RAB2A: variants seen among roughly 807,000 people sequenced by gnomAD.
RAB2A encodes ras-related protein Rab-2A.
In RAB2A, 7 loss-of-function variants were observed where a neutral mutation model predicts 32.5. The observed-to-expected ratio is 0.22, with a 90% CI of 0.12 to 0.40. RAB2A has a LOEUF of 0.40. RAB2A is among the 10% of genes least tolerant of loss of function. The pLI is 1.00. For synonymous variants in RAB2A, 79 were observed against 85.2 expected (o/e 0.93, Z 0.40); for missense variants, 108 against 260.7 (o/e 0.41, Z 4.03).
intron 1 of RAB2A, among the ~76,000 whole-genome samples, chr8:60,539,609 G>A (rs1807608033): frequency 6.6e-6 from 1 of 152,176 alleles, no homozygotes; most frequent in South Asian, 2.1e-4. Flanking sequence ...ATGCAATTGT[G>A]AAGGATTTAA....
At chr8:60,554,139 G>T (rs528606856) in intron 1 of RAB2A, among the ~76,000 whole-genome samples, 1 of 152,304 alleles carries the variant, frequency 6.6e-6, no homozygotes, top group East Asian at 1.9e-4. Context: ...ACATGAGAGT[G>T]AGTTAATTGT....
intron 1 of RAB2A, among the ~76,000 whole-genome samples, chr8:60,547,451 C>T (rs969186285): frequency 3.9e-5 from 6 of 151,964 alleles, no homozygotes; most frequent in African/African-American, 1.4e-4. Context: ...CAGAGGGGCT[C>T]CTCACTTCCC....
At chr8:60,572,809 A>G (rs562314750) in intron 3 of RAB2A, among the ~76,000 whole-genome samples, 76 of 152,372 alleles carry the variant, frequency 5.0e-4, no homozygotes, top group African/African-American at 1.6e-3. Flanking sequence ...GCTTAAAGGT[A>G]TTAATATTTA....
intron 1 of RAB2A, among the ~76,000 whole-genome samples, chr8:60,519,436 C>G (rs1415739673): frequency 1.3e-5 from 2 of 152,210 alleles, no homozygotes; most frequent in Non-Finnish European, 2.9e-5. Flanking sequence ...GGCACAATCT[C>G]TCCCTGTGGA....
intron 2 of RAB2A, among the ~76,000 whole-genome samples, chr8:60,569,566 A>G (rs529489630): frequency 7.2e-5 from 11 of 152,302 alleles, no homozygotes; most frequent in African/African-American, 2.6e-4. Flanking sequence ...GCTGGAAAGC[A>G]GTGGCACGAT....
chr8:60,558,539 A>C, intron 1 of RAB2A: 1 of 497,568 alleles, frequency 2.0e-6, no homozygotes, highest in Non-Finnish European at 3.9e-6. Context: ...AAAAGTGCAC[A>C]AAAACAGTAC....
rs1804260834 is a variant in RAB2A at position 60,607,813 on chromosome 8, T to G, written c.475-10767T>G. On this transcript the variant is annotated intron_variant, in intron 6 of 7. Transcript: ENST00000262646. Reference sequence around the variant, plus strand: ...CACAGGACAATCAGGCAGAGTGCTGTCTCCTCCCATTTCCTCAGAGATGTT... The same window carrying G: ...CACAGGACAATCAGGCAGAGTGCTGGCTCCTCCCATTTCCTCAGAGATGTT... Among the ~76,000 whole-genome samples, 3 of 152,194 alleles carry G rather than the reference T, an allele frequency of 2.0e-5. No homozygotes were observed. The South Asian group carries it at 6.2e-4, about 31-fold the overall frequency.
upstream of RAB2A, chr8:60,516,934 G>T (rs1046789292): frequency 4.5e-5 from 15 of 329,904 alleles, no homozygotes; most frequent in Non-Finnish European, 7.2e-5. Context: ...GCCGGCGGCC[G>T]CAGAACTTCC....
At chr8:60,558,354 C>T (rs895584355) in intron 1 of RAB2A, 30 of 463,630 alleles carry the variant, frequency 6.5e-5, no homozygotes, top group African/African-American at 9.9e-5. Context: ...TGAAGGAATG[C>T]AATTCAGATT....
At chr8:60,582,815 A>T (rs1803783773) in intron 3 of RAB2A, among the ~76,000 whole-genome samples, 1 of 152,034 alleles carries the variant, frequency 6.6e-6, no homozygotes, top group African/African-American at 2.4e-5. Flanking sequence ...GATATAAATA[A>T]CTCCCACAAG....
chr8:60,600,470 T>C (rs1347557476), intron 6 of RAB2A, among the ~76,000 whole-genome samples: 1 of 152,142 alleles, frequency 6.6e-6, no homozygotes. Context: ...GAATGTAAAA[T>C]AACACAGCCA....
intron 3 of RAB2A, among the ~76,000 whole-genome samples, chr8:60,575,247 T>G (rs547138715): frequency 1.2e-4 from 19 of 152,158 alleles, no homozygotes; most frequent in African/African-American, 4.1e-4. Context: ...TACACATGCA[T>G]GCCACCACAT....
At chr8:60,594,298 A>G (rs555901322) in intron 6 of RAB2A, among the ~76,000 whole-genome samples, 7 of 152,344 alleles carry the variant, frequency 4.6e-5, no homozygotes, top group Admixed American at 4.6e-4. Flanking sequence ...GGTTAAACCC[A>G]GACAAATCCA....
intron 5 of RAB2A, among the ~76,000 whole-genome samples, chr8:60,585,060 G>A (rs545793538): frequency 5.0e-4 from 76 of 152,290 alleles, no homozygotes; most frequent in African/African-American, 1.6e-3. Flanking sequence ...ATCTGAAGGA[G>A]TTTTATCAGA....
chr8:60,596,945 AC>A (rs1804040335), intron 6 of RAB2A, among the ~76,000 whole-genome samples: 1 of 152,094 alleles, frequency 6.6e-6, no homozygotes. Flanking sequence ...TGAGGAAACA[AC>A]AGATGGTGGA....
chr8:60,576,317 C>T (rs1036654496), intron 3 of RAB2A: 3 of 456,168 alleles, frequency 6.6e-6, no homozygotes, highest in Non-Finnish European at 1.3e-5. Flanking sequence ...CACTGTTAGA[C>T]CCTGGCCAGC....
At chr8:60,544,170 C>T (rs1807691110) in intron 1 of RAB2A, among the ~76,000 whole-genome samples, 1 of 149,690 alleles carries the variant, frequency 6.7e-6, no homozygotes, top group African/African-American at 2.5e-5. Context: ...CGGCTTACTG[C>T]AGCCTCCGCC....
At chr8:60,562,874 G>A (rs771123949) in intron 2 of RAB2A, among the ~76,000 whole-genome samples, 23 of 152,068 alleles carry the variant, frequency 1.5e-4, no homozygotes, top group Non-Finnish European at 3.1e-4. Flanking sequence ...CATTGAAAGG[G>A]TATTCAGTAC....
intron 2 of RAB2A, chr8:60,570,193 T>G (rs568982917): frequency 3.3e-6 from 1 of 307,266 alleles, no homozygotes; most frequent in South Asian, 2.5e-5. Context: ...GTTTCTAGTT[T>G]GTAGTTGTTT....
Sources: allele counts gnomAD v4.1 joint callset (sites outside exome capture counted in the v4.1 genomes callset), GRCh38; gene constraint gnomAD v4.1.1; transcripts MANE v1.5; gene names NCBI Gene and HGNC (gene_info 2026-07-23, HGNC 2026-07-21).